Variants in MAGI1 observed in about 807,000 individuals in gnomAD.
The protein encoded by MAGI1 is membrane associated guanylate kinase, WW and PDZ domain containing 1, also known as membrane-associated guanylate kinase, WW and PDZ domain-containing protein 1.
In MAGI1, 58 loss-of-function variants were observed where a neutral mutation model predicts 139.9. The ratio of observed to expected loss-of-function variants is 0.41; its 90% CI spans 0.34 to 0.52. The LOEUF is 0.52. Ranked by LOEUF, MAGI1 falls within the 20% of genes least tolerant of loss-of-function variation. MAGI1 has a pLI of 0.12. For synonymous variants in MAGI1, 812 were observed against 737.9 expected, an observed-to-expected ratio of 1.10 and a Z score of -1.63; for missense variants, 1,874 against 1,901.6, an observed-to-expected ratio of 0.99 and a Z score of 0.27.
chr3:65,608,677 G>A (rs575514191), intron 2 of MAGI1, among the ~76,000 whole-genome samples: 15 of 152,180 alleles, frequency 9.9e-5, no homozygotes, highest in African/African-American at 2.6e-4. Context: ...ACTCTTACAC[G>A]GTGTAGGTGT....
intron 18 of MAGI1, among the ~76,000 whole-genome samples, chr3:65,366,113 T>C (rs1941394552): frequency 6.6e-6 from 1 of 152,172 alleles, no homozygotes; most frequent in East Asian, 1.9e-4. Flanking sequence ...ATTTTTCTCA[T>C]CTGTTAAAAT....
At chr3:65,578,056 T>C (rs115801314) in intron 2 of MAGI1, among the ~76,000 whole-genome samples, 3,902 of 152,316 alleles carry the variant, frequency 0.026, 86 homozygotes, top group Admixed American at 0.049. Context: ...GCATGCCTGC[T>C]TGTTGAGCGA....
At chr3:65,795,477 A>G (rs1391163991) in intron 1 of MAGI1, among the ~76,000 whole-genome samples, 1 of 152,154 alleles carries the variant, frequency 6.6e-6, no homozygotes, top group Non-Finnish European at 1.5e-5. Flanking sequence ...CATTCTTGAA[A>G]TGATAAAATT....
At chr3:65,624,256 A>G (rs1235060843) in intron 1 of MAGI1, among the ~76,000 whole-genome samples, 1 of 152,146 alleles carries the variant, frequency 6.6e-6, no homozygotes, top group Admixed American at 6.5e-5. Flanking sequence ...GTGACCCAAC[A>G]ATTCCACCCT....
At chr3:65,859,134 A>G (rs1408141958) in intron 1 of MAGI1, among the ~76,000 whole-genome samples, 1 of 152,044 alleles carries the variant, frequency 6.6e-6, no homozygotes, top group Non-Finnish European at 1.5e-5. Flanking sequence ...GGAGTTCGAG[A>G]CCCGCTTGGC....
At chr3:65,974,911 A>G (rs575487673) in intron 1 of MAGI1, among the ~76,000 whole-genome samples, 119 of 152,304 alleles carry the variant, frequency 7.8e-4, no homozygotes, top group African/African-American at 2.8e-3. Flanking sequence ...AAATACAAGA[A>G]GGCAGGGATC....
intron 2 of MAGI1, among the ~76,000 whole-genome samples, chr3:65,501,616 A>G (rs2077086360): frequency 6.6e-6 from 1 of 152,210 alleles, no homozygotes; most frequent in African/African-American, 2.4e-5. Flanking sequence ...AGAATACAAA[A>G]TGGTACAACC....
At chr3:65,379,979 G>A (rs944808493) in intron 16 of MAGI1, among the ~76,000 whole-genome samples, 1 of 152,212 alleles carries the variant, frequency 6.6e-6, no homozygotes, top group African/African-American at 2.4e-5. Flanking sequence ...CGTTCACATT[G>A]TCATTACTTT....
intron 5 of MAGI1, among the ~76,000 whole-genome samples, chr3:65,466,003 C>G (rs1950146024): frequency 1.3e-5 from 2 of 152,198 alleles, no homozygotes; most frequent in Admixed American, 6.5e-5. Flanking sequence ...TCCCCACTCT[C>G]TTCTGCTGTT....
At chr3:65,465,340 T>C in intron 5 of MAGI1, among the ~76,000 whole-genome samples, 1 of 142,388 alleles carries the variant, frequency 7.0e-6, no homozygotes. Context: ...TTGTTGGTTG[T>C]TTTTTTTTTT....
chr3:65,631,243 A>G (rs559123542), intron 1 of MAGI1, among the ~76,000 whole-genome samples: 1 of 152,332 alleles, frequency 6.6e-6, no homozygotes, highest in South Asian at 2.1e-4. Context: ...TCAAAAAGGA[A>G]TCCAATGTTT....
intron 1 of MAGI1, among the ~76,000 whole-genome samples, chr3:65,799,589 T>C (rs1331281946): frequency 6.6e-6 from 1 of 152,182 alleles, no homozygotes; most frequent in Non-Finnish European, 1.5e-5. Context: ...TATGTATGTA[T>C]GGGGAAGAGC....
At chr3:65,820,499 A>T (rs138880456) in intron 1 of MAGI1, among the ~76,000 whole-genome samples, 1 of 152,184 alleles carries the variant, frequency 6.6e-6, no homozygotes, top group Non-Finnish European at 1.5e-5. Context: ...CGTCCACCCT[A>T]CTTTAGAAAC....
chr3:65,726,790 A>T (rs529861606), intron 1 of MAGI1, among the ~76,000 whole-genome samples: 17 of 152,074 alleles, frequency 1.1e-4, no homozygotes, highest in Admixed American at 5.9e-4. Flanking sequence ...CTCTTATCCT[A>T]CGAGCATCTT....
chr3:65,528,525 C>T (rs904895824), intron 2 of MAGI1, among the ~76,000 whole-genome samples: 3 of 152,228 alleles, frequency 2.0e-5, no homozygotes, highest in African/African-American at 7.2e-5. Flanking sequence ...AGATAAAAGG[C>T]GGGTCACAGA....
chr3:65,611,116 C>T (rs983978364), intron 2 of MAGI1, among the ~76,000 whole-genome samples: 14 of 135,088 alleles, frequency 1.0e-4, no homozygotes, highest in Admixed American at 7.8e-4. Flanking sequence ...ATATTATATA[C>T]GTATATAATA....
At chr3:65,531,482 AAT>A (rs1184891766) in intron 2 of MAGI1, among the ~76,000 whole-genome samples, 4 of 152,222 alleles carry the variant, frequency 2.6e-5, no homozygotes, top group African/African-American at 7.2e-5. Context: ...TATTTAAAAT[AAT>A]AGTTATAACA....
At chr3:65,379,218 G>C (rs753114873) in intron 17 of MAGI1, 43 bp downstream of exon 17, 20 of 1,606,992 alleles carry the variant, frequency 1.2e-5, no homozygotes, top group Non-Finnish European at 1.5e-5. Context: ...AAAACTCCCA[G>C]GCATGGTGGG....
At chr3:65,451,476 C>T (rs1376468311) in intron 6 of MAGI1, among the ~76,000 whole-genome samples, 1 of 152,146 alleles carries the variant, frequency 6.6e-6, no homozygotes, top group Non-Finnish European at 1.5e-5. Flanking sequence ...TGGTTAGAAT[C>T]AAAAGGGTTT....
Sources: allele counts gnomAD v4.1 joint callset (sites outside exome capture counted in the v4.1 genomes callset), GRCh38; gene constraint gnomAD v4.1.1; transcripts MANE v1.5; gene names NCBI Gene and HGNC (gene_info 2026-07-23, HGNC 2026-07-21).